Variants in ZMYM4 observed in about 807,000 individuals in gnomAD.
ZMYM4 encodes the protein zinc finger MYM-type containing 4, also known as zinc finger MYM-type protein 4.
ZMYM4 carries 31 observed loss-of-function variants against 183.2 expected under a neutral mutation model. The ratio of observed to expected loss-of-function variants is 0.17; its 90% CI spans 0.13 to 0.23. ZMYM4 has a LOEUF of 0.23. Ranked by LOEUF, ZMYM4 falls within the 10% of genes least tolerant of loss-of-function variation. The pLI, the probability that ZMYM4 is intolerant of heterozygous loss-of-function variation, is 1.00. For missense variants in ZMYM4, 1,273 were observed against 1,840.3 expected (o/e 0.69, Z 5.64); for synonymous variants, 592 against 631.2 (o/e 0.94, Z 0.93).
At chr1:35,323,845 C>T (rs185228595) in intron 1 of ZMYM4, among the ~76,000 whole-genome samples, 5 of 151,658 alleles carry the variant, frequency 3.3e-5, no homozygotes, top group African/African-American at 7.3e-5. Flanking sequence ...TGAGTCACCA[C>T]ACCTGGCCCA....
At chr1:35,405,801 C>T (rs775358625) in intron 25 of ZMYM4, among the ~76,000 whole-genome samples, 1 of 150,772 alleles carries the variant, frequency 6.6e-6, no homozygotes, top group Non-Finnish European at 1.5e-5. Context: ...CCTGGAAAAG[C>T]CTTGCTTCTA....
chr1:35,307,654 C>T (rs1443402548), intron 1 of ZMYM4, among the ~76,000 whole-genome samples: 1 of 150,820 alleles, frequency 6.6e-6, no homozygotes, highest in Non-Finnish European at 1.5e-5. Flanking sequence ...CCTGCCTCAG[C>T]CTCCCAAGTA....
intron 1 of ZMYM4, among the ~76,000 whole-genome samples, chr1:35,276,137 A>T (rs1639861195): frequency 6.6e-6 from 1 of 151,938 alleles, no homozygotes; most frequent in Non-Finnish European, 1.5e-5. Context: ...CTTTCTTTAC[A>T]CTTCCCAATA....
In ZMYM4 at chr1:35,421,956, TTC is replaced by T. The variant is rs1214687430; in HGVS notation, c.*2281_*2282del. 6.6e-6 allele frequency: 1 copy of T among 152,168 alleles called. No individual in the cohort carries two copies. The allele number at this position is 152,168 out of a possible 1,614,324, so 9.4% of individuals were successfully genotyped here. A position where few individuals can be genotyped will look rare whatever the true frequency, so the allele number is the denominator to read the frequency against. ...ATATTTGTATTTGATGGGTGAGTTC[TTC>T]TTCTTTACGTCTTAAAAGAATTTGA... is the stretch of plus-strand genomic sequence containing the variant. On this transcript the variant is annotated 3_prime_UTR_variant, in exon 30 of 30. Transcript: ENST00000314607.
intron 26 of ZMYM4, among the ~76,000 whole-genome samples, chr1:35,413,703 ACTT>A (rs770095834): frequency 2.0e-5 from 3 of 152,306 alleles, no homozygotes; most frequent in African/African-American, 7.2e-5. Flanking sequence ...TCTTCATAAT[ACTT>A]CTTCTGTACC....
chr1:35,293,112 C>G (rs1443518438), intron 1 of ZMYM4, among the ~76,000 whole-genome samples: 1 of 151,180 alleles, frequency 6.6e-6, no homozygotes, highest in Non-Finnish European at 1.5e-5. Context: ...GCAACCCTCC[C>G]ACCTCAGCCT....
At chr1:35,335,396 T>C (rs75805523) in intron 2 of ZMYM4, among the ~76,000 whole-genome samples, 3 of 151,834 alleles carry the variant, frequency 2.0e-5, no homozygotes. Flanking sequence ...ACCACCATAC[T>C]TGGCTAATTT....
intron 1 of ZMYM4, among the ~76,000 whole-genome samples, chr1:35,307,574 G>A (rs1246842723): frequency 4.3e-5 from 6 of 140,444 alleles, no homozygotes; most frequent in Admixed American, 3.6e-4. Context: ...TTGCTCTGTC[G>A]CCCAGGCTGG....
At chr1:35,364,201 C>A (rs1454245682) in intron 5 of ZMYM4, among the ~76,000 whole-genome samples, 4 of 152,318 alleles carry the variant, frequency 2.6e-5, no homozygotes, top group Middle Eastern at 3.4e-3. Context: ...CAAAGGCTTA[C>A]TCCCTGATTG....
chr1:35,324,952 G>T (rs1642443347), intron 1 of ZMYM4, among the ~76,000 whole-genome samples: 1 of 151,686 alleles, frequency 6.6e-6, no homozygotes, highest in African/African-American at 2.4e-5. Context: ...CATGTTTTTG[G>T]CTTTAGCTTA....
chr1:35,318,910 G>T (rs1157019711), intron 1 of ZMYM4, among the ~76,000 whole-genome samples: 2 of 152,156 alleles, frequency 1.3e-5, no homozygotes, highest in Non-Finnish European at 2.9e-5. Context: ...TTTTGAGACG[G>T]AGTTTCGCTC....
chr1:35,303,595 A>T (rs898540476), intron 1 of ZMYM4, among the ~76,000 whole-genome samples: 14 of 152,092 alleles, frequency 9.2e-5, no homozygotes, highest in African/African-American at 3.4e-4. Flanking sequence ...TAGTAGAGAC[A>T]GGGCTTTGCC....
intron 1 of ZMYM4, among the ~76,000 whole-genome samples, chr1:35,284,737 G>C (rs912079674): frequency 7.9e-5 from 12 of 152,178 alleles, no homozygotes; most frequent in Admixed American, 6.5e-4. Flanking sequence ...TTTTCTCTTG[G>C]CTTGTAGGTA....
chr1:35,397,243 A>G, intron 19 of ZMYM4, 134 bp from the exon 20 acceptor site: 1 of 1,132,014 alleles, frequency 8.8e-7, no homozygotes, highest in Non-Finnish European at 1.2e-6. Flanking sequence ...AACTAGCAAG[A>G]CTATTTTAAT....
Position 35,397,519 on chromosome 1 carries a change from A to T in ZMYM4, c.3173A>T (p.Glu1058Val). 1 of 1,612,904 alleles carries T rather than the reference A, an allele frequency of 6.2e-7. No individual in the cohort carries two copies. Among genetic ancestry groups the T allele is most frequent in the Non-Finnish European group, 8.5e-7 (1 of 1,179,452 alleles). Residue 1058 changes from glutamate (E) to valine (V), a missense_variant, in exon 20 of 30, where the codon GAA (glutamate) becomes GTA (valine). Transcript: ENST00000314607. ...ATGGCAGAAATGATTGCAGAAGATG[A>T]AGAGAAGAAGACTCTATCTCAGGGA... ...LEMAEMIAED[E>V]EKKTLSQGES...
chr1:35,379,527 C>T (rs367868232), intron 7 of ZMYM4, among the ~76,000 whole-genome samples: 4 of 152,264 alleles, frequency 2.6e-5, no homozygotes, highest in East Asian at 1.9e-4. Context: ...TGAGCCGCCA[C>T]GCCCGGCCAA....
chr1:35,389,227 TTTAGAAAGACTTTAATG>T lies in ZMYM4; in HGVS notation c.2436+149_2436+165del. The T allele has an allele frequency of 6.2e-6, 5 of 806,788 alleles. No homozygotes were observed. The highest frequency in any genetic ancestry group is 9.1e-6 in the Non-Finnish European group (5 of 549,784). 50.0% of individuals were successfully genotyped at this position (806,788 alleles called of 1,614,324 possible). On this transcript the variant is annotated intron_variant, in intron 14 of 29. Transcript: ENST00000314607. The surrounding 1 kb of genome is among the most constrained non-coding windows in gnomAD (Gnocchi z 4.0). The stretch of plus-strand genomic sequence containing the variant: ...ATGCCTTCTAGCAATTAATATAAGA[TTTAGAAAGACTTTAATG>T]TTATTGAAGTTTTCTTTTGTTTTTA...
At chr1:35,307,701 A>G (rs942311483) in intron 1 of ZMYM4, among the ~76,000 whole-genome samples, 5 of 150,696 alleles carry the variant, frequency 3.3e-5, no homozygotes, top group African/African-American at 9.8e-5. Flanking sequence ...CGCCCGGCTA[A>G]TTTTTTATGT....
intron 1 of ZMYM4, among the ~76,000 whole-genome samples, chr1:35,270,840 C>T (rs770578496): frequency 6.6e-6 from 1 of 152,108 alleles, no homozygotes; most frequent in South Asian, 2.1e-4. Context: ...CCCTCTATCC[C>T]TCTTTCTGTT....
Sources: allele counts gnomAD v4.1 joint callset (sites outside exome capture counted in the v4.1 genomes callset), GRCh38; gene constraint gnomAD v4.1.1; non-coding constraint Gnocchi (gnomAD v3.1); transcripts MANE v1.5; gene names NCBI Gene and HGNC (gene_info 2026-07-23, HGNC 2026-07-21).